Variants in NCF2 observed in about 807,000 individuals in gnomAD.
NCF2 encodes the protein neutrophil cytosolic factor 2, also known as neutrophil cytosol factor 2.
In NCF2, 45 loss-of-function variants were observed where a neutral mutation model predicts 70.9. The observed-to-expected ratio is 0.63, with a 90% CI of 0.50 to 0.81. NCF2 has a LOEUF of 0.81. Among genes scored for constraint, NCF2 ranks in the 40% least tolerant of loss-of-function variants. The pLI is 0.00. For synonymous variants in NCF2, 203 were observed against 233.6 expected (o/e 0.87, Z 1.19); for missense variants, 522 against 631.6 (o/e 0.83, Z 1.86).
At chr1:183,569,822 T>C (rs1672467760) in intron 6 of NCF2, among the ~76,000 whole-genome samples, 2 of 152,200 alleles carry the variant, frequency 1.3e-5, no homozygotes, top group Admixed American at 1.3e-4. Context: ...ACTCCTGGCC[T>C]CAAGTGATCT....
the NCF2 span, among the ~76,000 whole-genome samples, chr1:183,599,430 CTTTCTT>C: frequency 1.2e-5 from 1 of 85,558 alleles, no homozygotes; most frequent in Non-Finnish European, 2.6e-5. Context: ...TTCCTTCTTT[CTTTCTT>C]TCTTTCTTTC....
chr1:183,590,366 G>A lies in NCF2; in HGVS notation c.-37C>T. The stretch of plus-strand genomic sequence containing the variant: ...AACTAGGAGGCCAAGAGAGCTGCCA[G>A]GAGACAGAGAGAAGACAGGTTGGAG... On this transcript the variant is annotated 5_prime_UTR_variant, in exon 1 of 15. Transcript: ENST00000367535. 6.2e-7 allele frequency: 1 copy of A among 1,612,998 alleles called. No individual in the cohort carries two copies. Among genetic ancestry groups the A allele is most frequent in the Non-Finnish European group, 8.5e-7 (1 of 1,179,090 alleles).
chr1:183,567,586 C>G, intron 7 of NCF2: 1 of 627,116 alleles, frequency 1.6e-6, no homozygotes, highest in Non-Finnish European at 2.9e-6. Flanking sequence ...CCCCACAACA[C>G]TAGATAGTGA....
At chr1:183,576,280 G>C (rs1319717676) in intron 3 of NCF2, among the ~76,000 whole-genome samples, 1 of 152,166 alleles carries the variant, frequency 6.6e-6, no homozygotes, top group Non-Finnish European at 1.5e-5. Flanking sequence ...TGTCCTCTCA[G>C]GGCCATTTTA....
chr1:183,556,357 A>T, intron 14 of NCF2, 127 bp from the exon 15 acceptor site: 1 of 819,376 alleles, frequency 1.2e-6, no homozygotes, highest in Non-Finnish European at 2.1e-6. Flanking sequence ...AACAGGGAAA[A>T]GACAGTATTG....
chr1:183,585,235 G>A (rs1396778936), intron 2 of NCF2, among the ~76,000 whole-genome samples: 1 of 152,204 alleles, frequency 6.6e-6, no homozygotes, highest in Non-Finnish European at 1.5e-5. Context: ...TCTCTCTGAT[G>A]TCTGGACATT....
chr1:183,578,275 C>A (rs1409111267), intron 2 of NCF2, among the ~76,000 whole-genome samples: 1 of 151,988 alleles, frequency 6.6e-6, no homozygotes, highest in Non-Finnish European at 1.5e-5. Context: ...TTTGTTTCCT[C>A]ACCGCCCGCC....
chr1:183,557,634 A>C (rs921448637), intron 14 of NCF2, among the ~76,000 whole-genome samples: 4 of 152,214 alleles, frequency 2.6e-5, no homozygotes, highest in Admixed American at 2.0e-4. Context: ...TATTTCCTCA[A>C]CTTAGACTTG....
Position 183,577,579 on chromosome 1 carries a change from C to T in NCF2, c.366+20G>A. 1 of 1,561,808 alleles carries T rather than the reference C, an allele frequency of 6.4e-7. No individual in the cohort carries two copies. Among genetic ancestry groups the T allele is most frequent in the Non-Finnish European group, 8.8e-7 (1 of 1,132,544 alleles). Reference sequence around the variant, plus strand: ...CAGCCATGATCCCCTCCTGCCCAGGCCAGGCCCTGTTCTCCTTACCTCACA... The same window carrying T: ...CAGCCATGATCCCCTCCTGCCCAGGTCAGGCCCTGTTCTCCTTACCTCACA... On this transcript the variant is annotated intron_variant, in intron 3 of 14. Coordinates refer to ENST00000367535, the MANE Select transcript of NCF2 (RefSeq NM_000433.4).
At chr1:183,596,548 C>T in the NCF2 span, among the ~76,000 whole-genome samples, 4 of 151,888 alleles carry the variant, frequency 2.6e-5, no homozygotes, top group South Asian at 6.2e-4. Context: ...CCAAGGTGGG[C>T]GGATCACGAG....
At chr1:183,574,659 A>C (rs1488487562) in intron 3 of NCF2, 38 bp from the exon 4 acceptor site, 4 of 1,612,582 alleles carry the variant, frequency 2.5e-6, no homozygotes, top group Non-Finnish European at 3.4e-6. Flanking sequence ...ACTTGAGACT[A>C]CTCCAAATCA....
the NCF2 span, chr1:183,598,198 T>G: frequency 1.3e-5 from 2 of 152,330 alleles, no homozygotes; most frequent in Non-Finnish European, 2.9e-5. Context: ...CCCATCCAAA[T>G]TCCTGCCCCA....
chr1:183,567,617 C>A, intron 7 of NCF2: 1 of 523,786 alleles, frequency 1.9e-6, no homozygotes, highest in South Asian at 1.9e-5. Flanking sequence ...TCCTTGCCCT[C>A]CCTTCTGCTC....
At chr1:183,580,364 C>T (rs562022512) in intron 2 of NCF2, among the ~76,000 whole-genome samples, 7 of 152,248 alleles carry the variant, frequency 4.6e-5, no homozygotes, top group East Asian at 3.9e-4. Flanking sequence ...AATCAGGTTC[C>T]GCTTTCTAAG....
chr1:183,589,106 A>G (rs768437157), intron 1 of NCF2, among the ~76,000 whole-genome samples: 1 of 152,178 alleles, frequency 6.6e-6, no homozygotes, highest in Non-Finnish European at 1.5e-5. Context: ...TTGTCAAGCT[A>G]TGTGAGAACA....
At chr1:183,585,363 T>C (rs1346781622) in intron 2 of NCF2, among the ~76,000 whole-genome samples, 2 of 152,124 alleles carry the variant, frequency 1.3e-5, no homozygotes, top group African/African-American at 2.4e-5. Flanking sequence ...CAGTGACTCA[T>C]GCCTGTAATC....
intron 7 of NCF2, 113 bp downstream of exon 7, chr1:183,569,029 A>T: frequency 9.9e-7 from 1 of 1,014,908 alleles, no homozygotes; most frequent in Admixed American, 1.8e-5. Flanking sequence ...CATTCCAGAA[A>T]ATTCAACAAG....
At chr1:183,596,027 C>T in the NCF2 span, among the ~76,000 whole-genome samples, 2 of 151,952 alleles carry the variant, frequency 1.3e-5, no homozygotes, top group Non-Finnish European at 2.9e-5. Flanking sequence ...TTTCTCTCTA[C>T]CTCTCCTAAT....
chr1:183,573,406 C>T, intron 4 of NCF2, 114 bp from the exon 5 acceptor site: 1 of 1,019,346 alleles, frequency 9.8e-7, no homozygotes, highest in South Asian at 1.3e-5. Flanking sequence ...CATAGAAGCC[C>T]TTTTCCAAAT....
Sources: allele counts gnomAD v4.1 joint callset (sites outside exome capture counted in the v4.1 genomes callset), GRCh38; gene constraint gnomAD v4.1.1; transcripts MANE v1.5; gene names NCBI Gene and HGNC (gene_info 2026-07-23, HGNC 2026-07-21).